The following PCK1 variants were observed in gnomAD, a reference collection of about 807,000 sequenced individuals.
The protein encoded by PCK1 is phosphoenolpyruvate carboxykinase, cytosolic [GTP].
A neutral mutation model predicts 50.3 loss-of-function variants in PCK1; 44 were observed. The observed-to-expected ratio is 0.87, with a 90% confidence interval of 0.69 to 1.12. The LOEUF (loss-of-function observed/expected upper bound fraction) is 1.12, where lower values mean the gene tolerates loss of function less well. Ranked by LOEUF, PCK1 falls within the 50% of genes most tolerant of loss-of-function variation. The pLI, the probability that PCK1 is intolerant of heterozygous loss-of-function variation, is 0.00. For missense variants in PCK1, 790 were observed against 815.0 expected (o/e 0.97, Z 0.37); for synonymous variants, 332 against 314.3 (o/e 1.06, Z -0.59).
chr20:57,564,273 A>G lies in PCK1; in HGVS notation c.1066A>G (p.Ile356Val), dbSNP rs746953160. Reference sequence around the variant, plus strand: ...CATCAAGACCATCCAGAAGAACACAATCTTTACCAATGTGGCCGAGACCAG... The same window carrying G: ...CATCAAGACCATCCAGAAGAACACAGTCTTTACCAATGTGGCCGAGACCAG... ...NAIKTIQKNTIFTNVAETSDG... is the reference protein window; with the variant it reads ...NAIKTIQKNTVFTNVAETSDG... Residue 356 changes from isoleucine to valine, a missense_variant, in exon 7 of 10, where the codon ATC becomes GTC. By Grantham distance (29) the Ile-to-Val change is conservative. Transcript: ENST00000319441. The G allele has an allele frequency of 5.6e-6, 9 of 1,614,012 alleles. 1 individual carries two copies. Among genetic ancestry groups the G allele is most frequent in the Non-Finnish European group, 7.6e-6 (9 of 1,179,964 alleles).
rs1437866391 is a variant in PCK1, at chr20:57,562,639, G to T, written c.407-57G>T. The T allele has an allele frequency of 1.5e-5, 22 of 1,449,568 alleles. 1 individual carries two copies. The Admixed American group carries it at 3.8e-4, about 25-fold the overall frequency. 89.8% of individuals were successfully genotyped at this position (1,449,568 alleles called of 1,614,324 possible). On this transcript the variant is annotated intron_variant, in intron 3 of 9. Transcript: ENST00000319441. ...GGGTCTACCTGGGAAAAAAATGCTG[G>T]TCGTGTTCGAAGTCCAAGGTCATTT...
intron 2 of PCK1, 62 bp from the exon 3 acceptor site, chr20:57,562,009 A>G: frequency 1.4e-6 from 2 of 1,404,182 alleles, no homozygotes; most frequent in Non-Finnish European, 2.0e-6. Flanking sequence ...AAGCCACGGT[A>G]CTGAAGGAGA....
chr20:57,565,914 C>T lies in PCK1; in HGVS notation c.*110C>T, dbSNP rs2070200814. 1 of 769,466 alleles carries T rather than the reference C, an allele frequency of 1.3e-6. No homozygotes were observed. Among genetic ancestry groups the T allele is most frequent in the East Asian group, 2.7e-5 (1 of 37,118 alleles). The allele number at this position is 769,466 out of a possible 1,614,324, so 47.7% of individuals were successfully genotyped here. On this transcript the variant is annotated 3_prime_UTR_variant, in exon 10 of 10. Transcript: ENST00000319441. The stretch of plus-strand genomic sequence containing the variant: ...AAATTGACGCCACCATAATAATCAT[C>T]ACCACACCGTGAGCAGATCTGAAAG...
chr20:57,565,913 T>TCAC lies in PCK1; in HGVS notation c.*113_*115dup. On this transcript the variant is annotated 3_prime_UTR_variant, in exon 10 of 10. Coordinates refer to ENST00000319441, the MANE Select transcript of PCK1 (RefSeq NM_002591.4). The stretch of plus-strand genomic sequence containing the variant: ...CAAATTGACGCCACCATAATAATCA[T>TCAC]CACCACACCGTGAGCAGATCTGAAA... 1 of 774,996 alleles carries TCAC rather than the reference T, an allele frequency of 1.3e-6. No individual in the cohort carries two copies. The highest frequency in any genetic ancestry group is 2.0e-6 in the Non-Finnish European group (1 of 491,924). The allele number at this position is 774,996 out of a possible 1,614,324, so 48.0% of individuals were successfully genotyped here. A position where few individuals can be genotyped will look rare whatever the true frequency, so the allele number is the denominator to read the frequency against.
In PCK1 at chr20:57,563,630, C is replaced by A; in HGVS notation, c.864C>A (p.Cys288Ter). ...TGGCGGCCGCATTTCCCAGCGCCTG[C>A]GGGAAGACCAACCTGGCCATGATGA... ...KYLAAAFPSA[C>*]GKTNLAMMNP... is the part of the protein sequence containing the mutation. Residue 288 changes from cysteine to a stop codon, truncating the protein, a stop_gained, in exon 6 of 10, where the codon TGC (cysteine) becomes TGA (stop). Coordinates refer to ENST00000319441, the MANE Select transcript of PCK1 (RefSeq NM_002591.4). LOFTEE classifies it high-confidence loss of function. 6.2e-7 allele frequency: 1 copy of A among 1,612,054 alleles called. No homozygotes were observed. The highest frequency in any genetic ancestry group is 8.5e-7 in the Non-Finnish European group (1 of 1,178,186).
At chr20:57,561,674 G>C in intron 2 of PCK1, 39 bp downstream of exon 2, 1 of 1,406,770 alleles carries the variant, frequency 7.1e-7, no homozygotes, top group Non-Finnish European at 1.0e-6. Flanking sequence ...GCACCCTGCA[G>C]GCAGGGCTCC....
chr20:57,561,959 G>A, intron 2 of PCK1, 112 bp from the exon 3 acceptor site: 3 of 800,840 alleles, frequency 3.7e-6, no homozygotes, highest in Non-Finnish European at 6.1e-6. Context: ...TCACACTGAT[G>A]GACTGTTGTT....
intron 3 of PCK1, 96 bp downstream of exon 3, chr20:57,562,348 C>T (rs1600706454): frequency 8.6e-6 from 9 of 1,049,628 alleles, no homozygotes; most frequent in East Asian, 4.8e-5. Context: ...TGGAAGCTCC[C>T]ACCACCTCAG....
chr20:57,564,671 C>T, intron 8 of PCK1, 58 bp downstream of exon 8: 1 of 1,441,848 alleles, frequency 6.9e-7, no homozygotes, highest in Non-Finnish European at 9.4e-7. Flanking sequence ...CGAAGGGCAT[C>T]TGTGAAATCT....
At chr20:57,563,762 G>A in intron 6 of PCK1, 35 bp downstream of exon 6, 2 of 1,529,918 alleles carry the variant, frequency 1.3e-6, no homozygotes, top group Admixed American at 1.9e-5. Flanking sequence ...GGTAACGATT[G>A]GACTCAAGCG....
rs1202483843 is a variant in PCK1 at position 57,562,208 on chromosome 20, A to G, written c.362A>G (p.Asp121Gly). Residue 121 changes from aspartate (D) to glycine (G), a missense_variant, in exon 3 of 10, where the codon GAT (aspartate) becomes GGT (glycine). By Grantham distance (94) the Asp-to-Gly change is moderately conservative. Transcript: ENST00000319441. ...CTCGGTCGCTGGATGTCAGAGGAGG[A>G]TTTTGAGAAAGCGTTCAATGCCAGG... Reference protein sequence around the residue: ...SQLGRWMSEEDFEKAFNARFP... With the variant: ...SQLGRWMSEEGFEKAFNARFP... 1 of 1,614,158 alleles carries G rather than the reference A, an allele frequency of 6.2e-7. No homozygotes were observed.
chr20:57,564,973 C>T (rs1048906395), intron 8 of PCK1, 67 bp from the exon 9 acceptor site: 8 of 1,143,032 alleles, frequency 7.0e-6, no homozygotes, highest in Non-Finnish European at 9.2e-6. Context: ...GTGAATAACA[C>T]CACTGGTTGT....
chr20:57,563,403 G>T, intron 5 of PCK1, 162 bp from the exon 6 acceptor site: 3 of 681,158 alleles, frequency 4.4e-6, no homozygotes, highest in Non-Finnish European at 7.4e-6. Context: ...AAACACCAGG[G>T]GACCATAGAG....
Position 57,562,756 on chromosome 20 carries a change from T to C in PCK1, c.467T>C (p.Ile156Thr). Residue 156 changes from isoleucine (I) to threonine (T), a missense_variant, in exon 4 of 10, where the codon ATC (isoleucine) becomes ACC (threonine). Physicochemically the swap from Ile to Thr is moderately conservative, Grantham distance 89. Coordinates refer to ENST00000319441, the MANE Select transcript of PCK1 (RefSeq NM_002591.4). ...MGPLGSPLSK[I>T]GIELTDSPYV... ...CCGCTGGGCTCGCCTCTGTCAAAGA[T>C]CGGCATCGAGCTGACGGATTCACCC... The C allele has an allele frequency of 1.2e-6, 2 of 1,614,076 alleles. No homozygotes were observed. Among genetic ancestry groups the C allele is most frequent in the Non-Finnish European group, 1.7e-6 (2 of 1,179,964 alleles).
At chr20:57,563,415 T>A (rs531149272) in intron 5 of PCK1, 150 bp from the exon 6 acceptor site, 3 of 686,152 alleles carry the variant, frequency 4.4e-6, no homozygotes. Context: ...ACCATAGAGA[T>A]CCTTTGGACT....
chr20:57,563,749 C>A, intron 6 of PCK1, 22 bp downstream of exon 6: 1 of 1,580,566 alleles, frequency 6.3e-7, no homozygotes, highest in Non-Finnish European at 8.6e-7. Context: ...AGACCCAACT[C>A]TTGGTAACGA....
rs772342532 is a variant in PCK1, at chr20:57,565,080, A to G, written c.1359A>G (p.Gly453=). 1 of 1,613,652 alleles carries G rather than the reference A, an allele frequency of 6.2e-7. No individual in the cohort carries two copies. Among genetic ancestry groups the G allele is most frequent in the Admixed American group, 1.7e-5 (1 of 59,992 alleles). Residue 453 remains glycine, a synonymous_variant, in exon 9 of 10, where the codon GGA becomes GGG. Coordinates refer to ENST00000319441, the MANE Select transcript of PCK1 (RefSeq NM_002591.4). ...ATGAAGCTCTCAGCTGGCAACATGG[A>G]GTCTTTGTGGGGGCGGCCATGAGAT... ...LVYEALSWQH[G]VFVGAAMRSE... is the part of the protein sequence containing the mutation.
intron 8 of PCK1, 29 bp downstream of exon 8, chr20:57,564,642 A>G: frequency 6.4e-7 from 1 of 1,554,944 alleles, no homozygotes; most frequent in Non-Finnish European, 8.7e-7. Context: ...TAGGCTGGGA[A>G]CATGGGTGTG....
At chr20:57,563,372 A>G (rs1296554639) in intron 5 of PCK1, 157 bp downstream of exon 5, 2 of 729,166 alleles carry the variant, frequency 2.7e-6, no homozygotes, top group East Asian at 2.7e-5. Flanking sequence ...TTACACATAT[A>G]CATCGCTTTT....
Sources: allele counts gnomAD v4.1 joint callset, GRCh38; gene constraint gnomAD v4.1.1; transcripts MANE v1.5; gene names NCBI Gene and HGNC (gene_info 2026-07-23, HGNC 2026-07-21).